The following TESPA1 variants were observed in gnomAD, a reference collection of about 807,000 sequenced individuals.
TESPA1 encodes thymocyte expressed, positive selection associated 1, also known as protein TESPA1.
TESPA1 carries 33 observed loss-of-function variants against 57.9 expected under a neutral mutation model. The observed-to-expected ratio is 0.57, with a 90% CI of 0.43 to 0.76. The LOEUF (loss-of-function observed/expected upper bound fraction) is 0.76. TESPA1 is among the 30% of genes least tolerant of loss of function. The pLI is 0.00. For missense variants in TESPA1, 618 were observed against 632.9 expected (o/e 0.98, Z 0.25); for synonymous variants, 227 against 228.9 (o/e 0.99, Z 0.07).
intron 10 of TESPA1, among the ~76,000 whole-genome samples, chr12:54,952,216 G>A (rs780345628): frequency 1.8e-4 from 28 of 152,176 alleles, no homozygotes; most frequent in Non-Finnish European, 2.9e-5. Flanking sequence ...GATGCAGAAA[G>A]GAGGCCCTCA....
intron 1 of TESPA1, among the ~76,000 whole-genome samples, chr12:54,979,074 A>C (rs769775498): frequency 3.3e-5 from 5 of 152,206 alleles, no homozygotes; most frequent in Non-Finnish European, 7.3e-5. Flanking sequence ...TTGGATCCTA[A>C]TGTACATTTT....
At chr12:54,966,296 T>C in intron 6 of TESPA1, 92 bp downstream of exon 6, 1 of 1,591,464 alleles carries the variant, frequency 6.3e-7, no homozygotes, top group Non-Finnish European at 8.6e-7. Context: ...CTAATGTGAA[T>C]CTTTAGCTCT....
At chr12:54,963,344 G>T in intron 8 of TESPA1, 102 bp from the exon 9 acceptor site, 1 of 1,180,370 alleles carries the variant, frequency 8.5e-7, no homozygotes, top group Non-Finnish European at 1.2e-6. Context: ...TCAGGGAGAA[G>T]CTTCCAATTT....
intron 1 of TESPA1, among the ~76,000 whole-genome samples, chr12:54,980,196 C>T (rs760471944): frequency 6.6e-6 from 1 of 152,102 alleles, no homozygotes; most frequent in Non-Finnish European, 1.5e-5. Context: ...TATGTAAGCT[C>T]TCCATCTTAT....
chr12:54,978,415 TATTA>T (rs1253758029), intron 1 of TESPA1, among the ~76,000 whole-genome samples: 4 of 152,344 alleles, frequency 2.6e-5, no homozygotes, highest in African/African-American at 9.6e-5. Context: ...TACCAATGTT[TATTA>T]ATTTATTTAG....
At chr12:54,974,052 G>A (rs1952012058) in intron 2 of TESPA1, 1 of 379,408 alleles carries the variant, frequency 2.6e-6, no homozygotes, top group African/African-American at 2.2e-5. Context: ...ACAGCATTGT[G>A]GCCAGAGTCC....
Position 54,962,588 on chromosome 12 carries a change from C to A in TESPA1, c.1310G>T (p.Arg437Ile), listed in dbSNP as rs773580545. The change falls in exon 9 of 11, where the codon AGA (arginine) becomes ATA (isoleucine). Residue 437 changes from arginine to isoleucine, a missense_variant. Arg to Ile is a moderately conservative substitution (Grantham distance 97, BLOSUM62 -3). Coordinates refer to ENST00000449076, the MANE Select transcript of TESPA1 (RefSeq NM_001136030.3). ...KDETFWKRKS[R>I]ARKSLFQKNL... Reference sequence around the variant, plus strand: ...CTTCTGGAAGAGGCTCTTTCTTGCTCTGCTCTTTCTTTTCCAGAAAGTCTC... The same window carrying A: ...CTTCTGGAAGAGGCTCTTTCTTGCTATGCTCTTTCTTTTCCAGAAAGTCTC... 6.2e-7 allele frequency: 1 copy of A among 1,613,962 alleles called. No individual in the cohort carries two copies. Among genetic ancestry groups the A allele is most frequent in the Non-Finnish European group, 8.5e-7 (1 of 1,179,892 alleles).
rs570773948 is a variant in TESPA1, at chr12:54,980,132, T to A, written c.-46+4453A>T. ...GGCCCAATGTCACCATCCAATGTAA[T>A]TTGGGATTAAAAAAAAAGGAGAAGT... On this transcript the variant is annotated intron_variant, in intron 1 of 10. Coordinates refer to ENST00000449076, the MANE Select transcript of TESPA1 (RefSeq NM_001136030.3). Among the ~76,000 whole-genome samples, 31 of 151,470 alleles carry A rather than the reference T, an allele frequency of 2.0e-4. 1 individual carries two copies. The South Asian group carries it at 4.8e-3, about 23-fold the overall frequency.
In TESPA1 at chr12:54,963,254, A is replaced by C. The variant is rs761387364; in HGVS notation, c.656-12T>G. On this transcript the variant is annotated splice_polypyrimidine_tract_variant and intron_variant, in intron 8 of 10. Coordinates refer to ENST00000449076, the MANE Select transcript of TESPA1 (RefSeq NM_001136030.3). ...CTGCTTAAACCTGCCTGGGTACAAG[A>C]GTTAAAGATGGTAAGTCTGGGGTTC... The C allele has an allele frequency of 4.4e-6, 7 of 1,599,688 alleles. No individual in the cohort carries two copies. Among genetic ancestry groups the C allele is most frequent in the Non-Finnish European group, 6.0e-6 (7 of 1,172,648 alleles).
intron 4 of TESPA1, among the ~76,000 whole-genome samples, 157 bp from the exon 5 acceptor site, chr12:54,967,393 C>T (rs899419859): frequency 1.3e-5 from 2 of 149,948 alleles, no homozygotes; most frequent in Admixed American, 1.3e-4. Flanking sequence ...CAAATTACCA[C>T]AAACTGTACA....
In TESPA1 at chr12:54,968,128, C is replaced by T. The variant is rs1592379543; in HGVS notation, c.207-236G>A. The T allele has an allele frequency of 5.2e-6, 5 of 970,656 alleles. No homozygotes were observed. In the East Asian group the frequency reaches 1.5e-4, roughly 29 times the overall value. 60.1% of individuals were successfully genotyped at this position (970,656 alleles called of 1,614,324 possible). A position where few individuals can be genotyped will look rare whatever the true frequency, so the allele number is the denominator to read the frequency against. ...TATTTTAGATTGTGCTTCTGTTGTC[C>T]TGGCCACAGGACTAAAGGACGAAAG... On this transcript the variant is annotated intron_variant, in intron 3 of 10. Coordinates refer to ENST00000449076, the MANE Select transcript of TESPA1 (RefSeq NM_001136030.3).
chr12:54,974,463 C>A lies in TESPA1; in HGVS notation c.100G>T (p.Ala34Ser), dbSNP rs866259394. ...WQTQVLEEEA[A>S]AALQDVPDPE... ...TCTGGGACATCCTGCAGGGCGGCGG[C>A]AGCCTCCTCTTCTAGGACCTGGGTC... Residue 34 changes from alanine to serine, a missense_variant, in exon 2 of 11, where the codon GCC becomes TCC. By Grantham distance (99) the Ala-to-Ser change is moderately conservative (BLOSUM62 1). Transcript: ENST00000449076. The A allele has an allele frequency of 3.1e-6, 5 of 1,608,296 alleles. No homozygotes were observed. The highest frequency in any genetic ancestry group is 4.2e-6 in the Non-Finnish European group (5 of 1,177,480).
At chr12:54,967,075 C>A in intron 5 of TESPA1, 108 bp downstream of exon 5, 1 of 1,266,342 alleles carries the variant, frequency 7.9e-7, no homozygotes, top group South Asian at 1.3e-5. Flanking sequence ...GATAAGACCC[C>A]AGGGATGGGC....
chr12:54,966,279 TCA>T, intron 6 of TESPA1, 107 bp downstream of exon 6: 1 of 1,587,082 alleles, frequency 6.3e-7, no homozygotes, highest in Non-Finnish European at 8.6e-7. Context: ...TTGGAAAGTC[TCA>T]CTCTCTAATG....
chr12:54,969,046 T>TATATATATATATATATATATATAA, intron 3 of TESPA1, among the ~76,000 whole-genome samples: 2 of 124,472 alleles, frequency 1.6e-5, no homozygotes, highest in East Asian at 4.6e-4. Context: ...TATATATATA[T>TATATATATATATATATATATATAA]GTGTGTGTGT....
intron 1 of TESPA1, among the ~76,000 whole-genome samples, chr12:54,982,969 T>C (rs923091503): frequency 4.6e-5 from 7 of 152,244 alleles, no homozygotes; most frequent in Non-Finnish European, 1.0e-4. Context: ...CACACAGTAC[T>C]GTGGGTACTG....
At chr12:54,966,701 TA>T (rs200108307) in intron 5 of TESPA1, among the ~76,000 whole-genome samples, 8,940 of 152,182 alleles carry the variant, frequency 0.059, 684 homozygotes, top group East Asian at 0.21. Flanking sequence ...CTAAAAAGGA[TA>T]GAGTCATTTG....
intron 3 of TESPA1, among the ~76,000 whole-genome samples, chr12:54,969,021 G>GTGTGTGTATATATT (rs370590552): frequency 1.2e-5 from 1 of 83,676 alleles, no homozygotes; most frequent in Admixed American, 1.5e-4. Context: ...ATTTATATAT[G>GTGTGTGTATATATT]TATATATATA....
At chr12:54,954,949 C>T (rs1036767766) in intron 10 of TESPA1, among the ~76,000 whole-genome samples, 1 of 152,080 alleles carries the variant, frequency 6.6e-6, no homozygotes, top group South Asian at 2.1e-4. Flanking sequence ...GGATAATTAC[C>T]CAGAAATAGG....
Sources: gnomAD v4.1 joint callset for allele counts (sites outside exome capture counted in the v4.1 genomes callset) on GRCh38, gnomAD v4.1.1 for gene constraint, MANE v1.5 for transcripts, NCBI Gene and HGNC (gene_info 2026-07-23, HGNC 2026-07-21) for gene names.